Variants in UBXN2A observed in about 807,000 individuals in gnomAD.
The protein encoded by UBXN2A is UBX domain protein 2A, also known as UBX domain-containing protein 2A.
A neutral mutation model predicts 28.4 loss-of-function variants in UBXN2A; 28 were observed. The ratio of observed to expected loss-of-function variants is 0.99; its 90% CI spans 0.73 to 1.35. The LOEUF (loss-of-function observed/expected upper bound fraction) is 1.35. UBXN2A is among the 40% of genes most tolerant of loss of function. The pLI, the probability that UBXN2A is intolerant of heterozygous loss-of-function variation, is 0.00. For missense variants in UBXN2A, 253 were observed against 297.9 expected (o/e 0.85, Z 1.11); for synonymous variants, 97 against 103.6 (o/e 0.94, Z 0.39).
intron 4 of UBXN2A, 28 bp downstream of exon 4, chr2:23,977,103 CCT>C (rs1264340049): frequency 1.8e-5 from 28 of 1,575,198 alleles, no homozygotes; most frequent in African/African-American, 2.7e-5. Context: ...GTAGGTCAAG[CCT>C]GTAAACCCAA....
intron 2 of UBXN2A, among the ~76,000 whole-genome samples, chr2:23,968,126 A>G (rs920541683): frequency 1.3e-5 from 2 of 152,224 alleles, no homozygotes; most frequent in Non-Finnish European, 2.9e-5. Context: ...ACAGTCTAGC[A>G]TAGTGATTAA....
chr2:23,985,228 G>A (rs995199509), intron 6 of UBXN2A, among the ~76,000 whole-genome samples: 4 of 151,520 alleles, frequency 2.6e-5, no homozygotes, highest in Admixed American at 6.6e-5. Flanking sequence ...ATGAGCCATC[G>A]CATCCTGCCA....
At chr2:23,944,176 C>A in intron 1 of UBXN2A, 2 of 1,278,130 alleles carry the variant, frequency 1.6e-6, no homozygotes, top group African/African-American at 1.5e-5. Context: ...CTGGGGCCAG[C>A]ACTGATGGAC....
chr2:23,975,918 A>G (rs1707638741), intron 3 of UBXN2A, among the ~76,000 whole-genome samples: 1 of 152,174 alleles, frequency 6.6e-6, no homozygotes. Context: ...GAGCCACCAC[A>G]TCTGGCCACA....
At chr2:23,948,867 G>GTA (rs2150812572) in intron 1 of UBXN2A, among the ~76,000 whole-genome samples, 1 of 150,010 alleles carries the variant, frequency 6.7e-6, no homozygotes, top group Non-Finnish European at 1.5e-5. Context: ...ATGGAAAAAA[G>GTA]TATTTGTAAT....
chr2:23,943,110 C>T (rs936281838), intron 1 of UBXN2A, among the ~76,000 whole-genome samples: 3 of 152,128 alleles, frequency 2.0e-5, no homozygotes, highest in African/African-American at 7.2e-5. Flanking sequence ...CATGCGCCAC[C>T]ATGCCTGGCT....
chr2:23,963,101 A>G (rs1406150283), intron 2 of UBXN2A, among the ~76,000 whole-genome samples: 2 of 152,298 alleles, frequency 1.3e-5, no homozygotes, highest in East Asian at 1.9e-4. Context: ...TGAGAACAGC[A>G]TGGGAAAGAC....
chr2:23,976,066 T>C (rs1479065515), intron 3 of UBXN2A, among the ~76,000 whole-genome samples: 1 of 152,234 alleles, frequency 6.6e-6, no homozygotes, highest in Non-Finnish European at 1.5e-5. Flanking sequence ...GTATTATACA[T>C]AATAAGGATT....
intron 1 of UBXN2A, among the ~76,000 whole-genome samples, chr2:23,946,734 C>T (rs1706102204): frequency 6.6e-6 from 1 of 152,140 alleles, no homozygotes; most frequent in Non-Finnish European, 1.5e-5. Context: ...GGGATTCAGG[C>T]ATGAGCCACC....
intron 6 of UBXN2A, among the ~76,000 whole-genome samples, chr2:23,994,604 A>G (rs576500377): frequency 1.3e-5 from 2 of 152,180 alleles, no homozygotes; most frequent in Non-Finnish European, 2.9e-5. Context: ...TTTCAATTCT[A>G]CTGTCACTTG....
At chr2:23,942,921 C>T (rs116259643) in intron 1 of UBXN2A, among the ~76,000 whole-genome samples, 1,875 of 148,342 alleles carry the variant, frequency 0.013, 36 homozygotes, top group African/African-American at 0.044. Context: ...TTACCTCCGT[C>T]AGAAAAAAAA....
chr2:23,953,925 G>C (rs1706491334), intron 1 of UBXN2A, among the ~76,000 whole-genome samples: 1 of 152,216 alleles, frequency 6.6e-6, no homozygotes, highest in Non-Finnish European at 1.5e-5. Flanking sequence ...TTGTCTGGTT[G>C]TCTCTGTTTG....
chr2:23,941,582 T>G (rs942230567), intron 1 of UBXN2A, among the ~76,000 whole-genome samples: 1 of 152,212 alleles, frequency 6.6e-6, no homozygotes, highest in African/African-American at 2.4e-5. Flanking sequence ...GCAGTTGTTT[T>G]CAGCTGGGCA....
At chr2:23,947,596 T>C (rs1182626815) in intron 1 of UBXN2A, among the ~76,000 whole-genome samples, 5 of 152,182 alleles carry the variant, frequency 3.3e-5, no homozygotes, top group African/African-American at 1.2e-4. Context: ...GTTGGTTCAT[T>C]TGCATGTTAC....
At chr2:23,983,176 A>G (rs1558303512) in intron 5 of UBXN2A, 143 bp downstream of exon 5, 2 of 1,002,202 alleles carry the variant, frequency 2.0e-6, no homozygotes, top group African/African-American at 1.7e-5. Flanking sequence ...GTTAATTTTT[A>G]TGAGGACACA....
intron 5 of UBXN2A, among the ~76,000 whole-genome samples, chr2:23,983,585 C>T (rs1200249291): frequency 6.6e-6 from 1 of 152,056 alleles, no homozygotes; most frequent in East Asian, 1.9e-4. Context: ...ATCAAAAGGG[C>T]TTGGCTTATT....
intron 3 of UBXN2A, among the ~76,000 whole-genome samples, chr2:23,974,976 CAAA>C (rs763814077): frequency 1.6e-5 from 2 of 124,884 alleles, no homozygotes; most frequent in African/African-American, 3.0e-5. Flanking sequence ...AAGACTGTCT[CAAA>C]AAAAAAAAAA....
intron 1 of UBXN2A, among the ~76,000 whole-genome samples, chr2:23,953,111 A>T (rs1706454258): frequency 6.6e-6 from 1 of 152,132 alleles, no homozygotes; most frequent in Non-Finnish European, 1.5e-5. Context: ...TTTCATAAGG[A>T]TTCAAATCTT....
At chr2:23,947,617 A>G (rs1479427665) in intron 1 of UBXN2A, among the ~76,000 whole-genome samples, 1 of 152,204 alleles carries the variant, frequency 6.6e-6, no homozygotes, top group Non-Finnish European at 1.5e-5. Context: ...TAAATTTATG[A>G]TAGAAAATGA....
Sources: gnomAD v4.1 joint callset for allele counts (sites outside exome capture counted in the v4.1 genomes callset) on GRCh38, gnomAD v4.1.1 for gene constraint, MANE v1.5 for transcripts, NCBI Gene and HGNC (gene_info 2026-07-23, HGNC 2026-07-21) for gene names.